Variants in TRAPPC9 observed in about 807,000 individuals in gnomAD.
TRAPPC9 encodes trafficking protein particle complex subunit 9.
A neutral mutation model predicts 124.0 loss-of-function variants in TRAPPC9; 83 were observed. The observed-to-expected ratio is 0.67, with a 90% CI of 0.56 to 0.80. The LOEUF is 0.80. Ranked by LOEUF, TRAPPC9 falls within the 30% of genes least tolerant of loss-of-function variation. The probability of loss-of-function intolerance (pLI) is 0.00; values close to 1 mark genes in which losing one functional copy is unlikely to be tolerated. For missense variants in TRAPPC9, 1,302 were observed against 1,508.3 expected, an observed-to-expected ratio of 0.86 and a Z score of 2.27; for synonymous variants, 638 against 617.5, an observed-to-expected ratio of 1.03 and a Z score of -0.49.
intron 19 of TRAPPC9, among the ~76,000 whole-genome samples, chr8:139,946,763 G>A (rs1401461990): frequency 1.3e-5 from 2 of 151,436 alleles, no homozygotes; most frequent in Admixed American, 6.6e-5. Flanking sequence ...GGTGGATCAC[G>A]AGGTCAGGAG....
chr8:140,007,945 A>AC (rs1838864755), intron 18 of TRAPPC9, among the ~76,000 whole-genome samples: 3 of 152,342 alleles, frequency 2.0e-5, no homozygotes, highest in African/African-American at 7.2e-5. Flanking sequence ...TCGCTAGGAG[A>AC]CAGTGCAGTT....
At chr8:139,845,748 T>A (rs1551757) in intron 21 of TRAPPC9, among the ~76,000 whole-genome samples, 86,533 of 152,040 alleles carry the variant, frequency 0.57, 27,834 homozygotes, top group African/African-American at 0.86. Flanking sequence ...CCTGTCTGCC[T>A]CTCGATTTTA....
intron 17 of TRAPPC9, among the ~76,000 whole-genome samples, chr8:140,189,636 A>G (rs2062436936): frequency 6.6e-6 from 1 of 152,198 alleles, no homozygotes; most frequent in East Asian, 1.9e-4. Context: ...ATTTCTGGGT[A>G]GTGAGATTTT....
intron 17 of TRAPPC9, among the ~76,000 whole-genome samples, chr8:140,060,759 CG>C (rs1436486402): frequency 2.0e-5 from 3 of 152,180 alleles, no homozygotes; most frequent in African/African-American, 7.2e-5. Flanking sequence ...TATTATCTGA[CG>C]ACCCTTATTT....
intron 5 of TRAPPC9, among the ~76,000 whole-genome samples, chr8:140,420,383 G>A (rs1043223211): frequency 2.6e-5 from 4 of 152,122 alleles, no homozygotes; most frequent in African/African-American, 4.8e-5. Context: ...AAATTCATAC[G>A]GAAATTCAAA....
chr8:139,786,387 G>C (rs1004929374), intron 21 of TRAPPC9, among the ~76,000 whole-genome samples: 8 of 152,160 alleles, frequency 5.3e-5, no homozygotes, highest in African/African-American at 2.4e-5. Context: ...AGAGGGCCTA[G>C]GGTGAAAATG....
At chr8:140,232,505 G>A (rs758024604) in intron 16 of TRAPPC9, among the ~76,000 whole-genome samples, 1 of 152,162 alleles carries the variant, frequency 6.6e-6, no homozygotes, top group East Asian at 1.9e-4. Context: ...GCAGGTCTGG[G>A]TTCAAGTCCT....
rs372777496 is a variant in TRAPPC9, at chr8:140,283,878, G to T, written c.2114+11C>A. 6.2e-7 allele frequency: 1 copy of T among 1,613,378 alleles called. No homozygotes were observed. Among genetic ancestry groups the T allele is most frequent in the Non-Finnish European group, 8.5e-7 (1 of 1,179,900 alleles). On this transcript the variant is annotated intron_variant, in intron 14 of 22. Coordinates refer to ENST00000438773, the MANE Select transcript of TRAPPC9 (RefSeq NM_001160372.4). The stretch of plus-strand genomic sequence containing the variant: ...AGAGCCACTCTGCTCTGTGACCCTC[G>T]TGCACACTACCTGGGCAGAGAGGTG...
At chr8:139,745,408 A>C (rs2130123434) in intron 21 of TRAPPC9, among the ~76,000 whole-genome samples, 1 of 152,368 alleles carries the variant, frequency 6.6e-6, no homozygotes, top group South Asian at 2.1e-4. Flanking sequence ...GAGGGGTGTG[A>C]ATCACTGGTG....
chr8:139,987,064 G>C (rs570608238), intron 19 of TRAPPC9, among the ~76,000 whole-genome samples: 5 of 152,318 alleles, frequency 3.3e-5, no homozygotes, highest in Admixed American at 3.3e-4. Context: ...TCCTGTTCCT[G>C]AGAGTTGCAA....
At chr8:139,925,149 T>C (rs992306398) in intron 19 of TRAPPC9, among the ~76,000 whole-genome samples, 1 of 152,160 alleles carries the variant, frequency 6.6e-6, no homozygotes, top group East Asian at 1.9e-4. Context: ...AGTCGACACA[T>C]GGAATGAGCT....
At position 140,275,411 on chromosome 8, in the gene TRAPPC9, G is replaced by C. The variant is rs73714851; in HGVS notation, c.2278+247C>G. Among the ~76,000 whole-genome samples the C allele has an allele frequency of 0.041, 6,268 of 152,242 alleles. 174 individuals are homozygous for C. Among genetic ancestry groups the C allele is most frequent in the African/African-American group, 0.069 (2,882 of 41,532 alleles). Reference sequence around the variant, plus strand: ...ACTGGGGGTACAGAGGTGTGTGCTCGGTCCCACTGTCTTCTGCTGTGTGTC... The same window carrying C: ...ACTGGGGGTACAGAGGTGTGTGCTCCGTCCCACTGTCTTCTGCTGTGTGTC... On this transcript the variant is annotated intron_variant, in intron 15 of 22. Transcript: ENST00000438773.
At chr8:140,448,466 T>C (rs1311393165) in intron 2 of TRAPPC9, among the ~76,000 whole-genome samples, 2 of 152,200 alleles carry the variant, frequency 1.3e-5, no homozygotes, top group Non-Finnish European at 2.9e-5. Flanking sequence ...GAGCTCAGAT[T>C]TCAAAAGGCA....
intron 17 of TRAPPC9, among the ~76,000 whole-genome samples, chr8:140,191,333 T>C (rs1033643966): frequency 6.6e-6 from 1 of 152,180 alleles, no homozygotes; most frequent in Admixed American, 6.5e-5. Flanking sequence ...AGGTCTGACT[T>C]TAAAGCCTCA....
At chr8:140,137,497 C>T (rs745390514) in intron 17 of TRAPPC9, among the ~76,000 whole-genome samples, 5 of 152,192 alleles carry the variant, frequency 3.3e-5, no homozygotes, top group Non-Finnish European at 7.3e-5. Context: ...GTGGCGAGCA[C>T]GTCCTGGGTG....
At chr8:139,886,963 A>G (rs994268783) in intron 20 of TRAPPC9, among the ~76,000 whole-genome samples, 3 of 152,184 alleles carry the variant, frequency 2.0e-5, no homozygotes, top group African/African-American at 2.4e-5. Flanking sequence ...AGGGAGCAGG[A>G]CGAAATGGAG....
At chr8:140,026,134 A>C (rs1375671355) in intron 17 of TRAPPC9, among the ~76,000 whole-genome samples, 1 of 152,218 alleles carries the variant, frequency 6.6e-6, no homozygotes, top group Admixed American at 6.5e-5. Flanking sequence ...GATTTCACTC[A>C]GCATCATGTC....
chr8:139,937,889 G>A (rs1440759189), intron 19 of TRAPPC9, among the ~76,000 whole-genome samples: 2 of 152,294 alleles, frequency 1.3e-5, no homozygotes, highest in East Asian at 1.9e-4. Context: ...TCTGGTGCCC[G>A]CTGTGGCTCA....
intron 17 of TRAPPC9, among the ~76,000 whole-genome samples, chr8:140,211,508 G>A (rs563397222): frequency 1.7e-4 from 26 of 152,182 alleles, no homozygotes; most frequent in Non-Finnish European, 3.7e-4. Flanking sequence ...ACAGTGTGCT[G>A]TGATCACACC....
Sources: gnomAD v4.1 joint callset for allele counts (sites outside exome capture counted in the v4.1 genomes callset) on GRCh38, gnomAD v4.1.1 for gene constraint, MANE v1.5 for transcripts, NCBI Gene and HGNC (gene_info 2026-07-23, HGNC 2026-07-21) for gene names.